HIPK3: variants seen among roughly 807,000 people sequenced by gnomAD.
The protein encoded by HIPK3 is homeodomain-interacting protein kinase 3.
Under a neutral mutation model 124.2 loss-of-function variants are expected in HIPK3, and 47 were observed. The ratio of observed to expected loss-of-function variants is 0.38; its 90% CI spans 0.30 to 0.48. The LOEUF (loss-of-function observed/expected upper bound fraction) is 0.48. HIPK3 is among the 20% of genes least tolerant of loss of function. HIPK3 has a pLI of 0.98. For missense variants in HIPK3, 1,286 were observed against 1,454.3 expected (o/e 0.88, Z 1.88); for synonymous variants, 482 against 515.2 (o/e 0.94, Z 0.87).
intron 3 of HIPK3, among the ~76,000 whole-genome samples, chr11:33,336,399 A>C (rs1853149145): frequency 6.6e-6 from 1 of 152,188 alleles, no homozygotes; most frequent in Non-Finnish European, 1.5e-5. Context: ...CTCCCACCAT[A>C]GTAATTCACC....
At chr11:33,262,489 A>G (rs1590333771) in intron 1 of HIPK3, among the ~76,000 whole-genome samples, 1 of 152,262 alleles carries the variant, frequency 6.6e-6, no homozygotes, top group South Asian at 2.1e-4. Flanking sequence ...CTGAGACACC[A>G]CTGTTATGCC....
chr11:33,349,245 C>A lies in HIPK3; in HGVS notation c.2765C>A (p.Ser922Tyr), dbSNP rs1853588249. ...CCTGATAGTACTCTGAGTACCAGCT[C>A]CTCAGGGCAGTCCAGCCCATCCCCC... is the stretch of plus-strand genomic sequence containing the variant. Reference protein sequence around the residue: ...SSPDSTLSTSSSGQSSPSPCK... With the variant: ...SSPDSTLSTSYSGQSSPSPCK... Residue 922 changes from serine to tyrosine, a missense_variant, in exon 14 of 17, where the codon TCC (serine) becomes TAC (tyrosine). Physicochemically the swap from Ser to Tyr is moderately radical, Grantham distance 144. Transcript: ENST00000303296. 6.2e-7 allele frequency: 1 copy of A among 1,613,586 alleles called. No homozygotes were observed.
Position 33,258,243 on chromosome 11 carries a change from C to T in HIPK3, c.-3+354C>T, listed in dbSNP as rs972134020. On this transcript the variant is annotated intron_variant, in intron 1 of 16. Transcript: ENST00000303296. ...CTGCCAAGGTTGCGCAACGGCTCTT[C>T]CCAGCAACCGAAGTTTTGTTTAGTC... 2.4e-5 allele frequency: 19 copies of T among 797,016 alleles called. No homozygotes were observed. In the Admixed American group the frequency reaches 3.1e-4, roughly 13 times the overall value. 49.4% of individuals were successfully genotyped at this position (797,016 alleles called of 1,614,324 possible). A position where few individuals can be genotyped will look rare whatever the true frequency, so the allele number is the denominator to read the frequency against.
intron 2 of HIPK3, among the ~76,000 whole-genome samples, chr11:33,287,810 A>G (rs781603650): frequency 6.6e-6 from 1 of 152,228 alleles, no homozygotes; most frequent in Admixed American, 6.5e-5. Flanking sequence ...AAGTCTTTAA[A>G]TGTTGGAAAG....
upstream of HIPK3, chr11:33,256,887 T>C (rs1170621490): frequency 7.2e-5 from 13 of 179,538 alleles, no homozygotes; most frequent in Non-Finnish European, 9.7e-5. Context: ...GGGTAGAACC[T>C]AGTTTAGATT....
intron 5 of HIPK3, 50 bp from the exon 6 acceptor site, chr11:33,339,300 C>T (rs1168222452): frequency 1.4e-6 from 2 of 1,420,494 alleles, no homozygotes; most frequent in African/African-American, 2.9e-5. Flanking sequence ...ATTTATACTA[C>T]TCTCTGTGAC....
At chr11:33,282,853 G>A (rs536358017) in intron 1 of HIPK3, among the ~76,000 whole-genome samples, 2 of 152,166 alleles carry the variant, frequency 1.3e-5, no homozygotes, top group South Asian at 2.1e-4. Context: ...TGAGGTATGA[G>A]GATCATTTGA....
chr11:33,302,734 A>G (rs574154660), intron 2 of HIPK3, among the ~76,000 whole-genome samples: 3 of 152,220 alleles, frequency 2.0e-5, no homozygotes, highest in Admixed American at 6.5e-5. Context: ...TCAAATTTGC[A>G]TAGAACGAGT....
rs114139480 is a variant in HIPK3, at chr11:33,341,179, A to G, written c.1773+52A>G. On this transcript the variant is annotated intron_variant, in intron 7 of 16. Coordinates refer to ENST00000303296, the MANE Select transcript of HIPK3 (RefSeq NM_005734.5). ...TAGGGTCTTTTTTTAATGATTGCGCATTTTACTTTTGATATATACAGAAGT... is the reference window on the plus strand; with the variant it reads ...TAGGGTCTTTTTTTAATGATTGCGCGTTTTACTTTTGATATATACAGAAGT... 2.9e-4 allele frequency: 378 copies of G among 1,298,550 alleles called. 1 individual carries two copies. In the African/African-American group the frequency reaches 4.8e-3, roughly 16 times the overall value. The allele number at this position is 1,298,550 out of a possible 1,614,324, so 80.4% of individuals were successfully genotyped here.
intron 2 of HIPK3, among the ~76,000 whole-genome samples, chr11:33,318,067 G>A (rs181885058): frequency 1.3e-5 from 2 of 152,264 alleles, no homozygotes; most frequent in East Asian, 1.9e-4. Context: ...TCAGTAAAAT[G>A]TCTGCTAGAA....
intron 1 of HIPK3, among the ~76,000 whole-genome samples, chr11:33,264,752 T>A (rs1036312252): frequency 3.4e-4 from 52 of 152,204 alleles, no homozygotes; most frequent in African/African-American, 1.2e-3. Flanking sequence ...TTTATAAGCA[T>A]ACAAAATATT....
intron 2 of HIPK3, among the ~76,000 whole-genome samples, chr11:33,310,421 T>C (rs1354930315): frequency 6.6e-6 from 1 of 152,038 alleles, no homozygotes; most frequent in Non-Finnish European, 1.5e-5. Context: ...TTCTCCTGCC[T>C]CTCAGCCTCC....
intron 2 of HIPK3, among the ~76,000 whole-genome samples, chr11:33,292,299 G>A (rs1851719642): frequency 6.6e-6 from 1 of 152,146 alleles, no homozygotes; most frequent in Non-Finnish European, 1.5e-5. Flanking sequence ...TTGGGTGCTG[G>A]TACAGTGCTA....
Position 33,345,892 on chromosome 11 carries a change from T to C in HIPK3, c.1898-1401T>C, listed in dbSNP as rs148888176. ...AGGATTAACACTTACATCTGTGAAA[T>C]AGAAAATTTGAGGTTGTTTTACAAT... On this transcript the variant is annotated intron_variant, in intron 8 of 16. Transcript: ENST00000303296. Among the ~76,000 whole-genome samples, 316 of 152,272 alleles carry C rather than the reference T, an allele frequency of 2.1e-3. 2 individuals are homozygous for C. The highest frequency in any genetic ancestry group is 7.2e-3 in the African/African-American group (298 of 41,560).
rs1853247092 is a variant in HIPK3, at chr11:33,338,980, A to C, written c.1428+137A>C. 3 of 547,578 alleles carry C rather than the reference A, an allele frequency of 5.5e-6. No homozygotes were observed. The Admixed American group carries it at 9.5e-5, about 17-fold the overall frequency. 33.9% of individuals were successfully genotyped at this position (547,578 alleles called of 1,614,324 possible). On this transcript the variant is annotated intron_variant, in intron 5 of 16. Transcript: ENST00000303296. ...TTTTTAAGTTTTTCAAATGAAACTG[A>C]TTCTATTTTCAACCTTTCAGGAACT...
intron 2 of HIPK3, among the ~76,000 whole-genome samples, chr11:33,319,269 G>A (rs1852593731): frequency 6.6e-6 from 1 of 152,206 alleles, no homozygotes; most frequent in African/African-American, 2.4e-5. Context: ...GACCGAGGCA[G>A]GTGGGTCATG....
chr11:33,295,102 A>G (rs959742289), intron 2 of HIPK3, among the ~76,000 whole-genome samples: 2 of 151,962 alleles, frequency 1.3e-5, no homozygotes, highest in African/African-American at 4.8e-5. Flanking sequence ...ACCACCTGAG[A>G]CTTGAAACGA....
At chr11:33,293,458 A>G (rs1851754745) in intron 2 of HIPK3, among the ~76,000 whole-genome samples, 1 of 151,978 alleles carries the variant, frequency 6.6e-6, no homozygotes, top group Non-Finnish European at 1.5e-5. Flanking sequence ...GCAACCACTA[A>G]TCTACTTGCT....
At chr11:33,289,156 T>A (rs914885080) in intron 2 of HIPK3, among the ~76,000 whole-genome samples, 2 of 152,140 alleles carry the variant, frequency 1.3e-5, no homozygotes, top group Non-Finnish European at 2.9e-5. Flanking sequence ...TATTAAAATA[T>A]GTATTTGAGC....
Sources: gnomAD v4.1 joint callset for allele counts (sites outside exome capture counted in the v4.1 genomes callset) on GRCh38, gnomAD v4.1.1 for gene constraint, MANE v1.5 for transcripts, NCBI Gene and HGNC (gene_info 2026-07-23, HGNC 2026-07-21) for gene names.